TRPM1: variants seen among roughly 807,000 people sequenced by gnomAD.
TRPM1 encodes TRPM1-203 APA Isoform, Intron 10.
TRPM1 carries 113 observed loss-of-function variants against 149.4 expected under a neutral mutation model. That is an observed-to-expected ratio of 0.76 (90% CI 0.65 to 0.88). TRPM1 has a LOEUF of 0.88. Among genes scored for constraint, TRPM1 ranks in the 40% least tolerant of loss-of-function variants. TRPM1 has a pLI of 0.00. For synonymous variants in TRPM1, 741 were observed against 759.5 expected, an observed-to-expected ratio of 0.98 and a Z score of 0.40; for missense variants, 1,976 against 2,038.7, an observed-to-expected ratio of 0.97 and a Z score of 0.59.
chr15:31,101,100 T>C (rs2035504949), intron 1 of TRPM1, among the ~76,000 whole-genome samples: 2 of 152,194 alleles, frequency 1.3e-5, no homozygotes, highest in South Asian at 4.1e-4. Flanking sequence ...TGATAAAGGC[T>C]TACAAGTATA....
At chr15:31,035,741 G>A in intron 20 of TRPM1, 67 bp from the exon 21 acceptor site, 1 of 1,609,804 alleles carries the variant, frequency 6.2e-7, no homozygotes, top group Non-Finnish European at 8.5e-7. Flanking sequence ...TTGAAACGCT[G>A]TTTTCTTTCA....
Position 31,035,615 on chromosome 15 carries a change from G to T in TRPM1, c.2631C>A (p.Gly877=), listed in dbSNP as rs150735353. Reference sequence around the variant, plus strand: ...CGATCCACTCCTGGAGGGACGGCCAGCCATCCATCCGCACCAGGATGACGT... The same window carrying T: ...CGATCCACTCCTGGAGGGACGGCCATCCATCCATCCGCACCAGGATGACGT... ...FNYVILVRMD[G]WPSLQEWIVI... The change falls in exon 21 of 28, where the codon GGC becomes GGA. Residue 877 remains glycine, a synonymous_variant. Coordinates refer to ENST00000256552, the MANE Select transcript of TRPM1 (RefSeq NM_001252024.2). 33 of 1,614,200 alleles carry T rather than the reference G, an allele frequency of 2.0e-5. No individual in the cohort carries two copies. The South Asian group carries it at 2.4e-4, about 12-fold the overall frequency.
chr15:31,049,108 G>A (rs2033862721), intron 13 of TRPM1, among the ~76,000 whole-genome samples: 1 of 152,070 alleles, frequency 6.6e-6, no homozygotes, highest in Non-Finnish European at 1.5e-5. Context: ...CCTCTTTGTA[G>A]CAACAAGTAC....
At chr15:31,046,996 G>A (rs2033783863) in intron 15 of TRPM1, 115 bp downstream of exon 15, 2 of 1,432,256 alleles carry the variant, frequency 1.4e-6, no homozygotes, top group South Asian at 2.3e-5. Context: ...CAGGACAGCT[G>A]TGCTGGGGAC....
chr15:31,140,293 C>T (rs2036144146), intron 1 of TRPM1, among the ~76,000 whole-genome samples: 1 of 151,636 alleles, frequency 6.6e-6, no homozygotes, highest in Admixed American at 6.6e-5. Context: ...GCATGAGAAT[C>T]ACTTGAACCC....
intron 1 of TRPM1, among the ~76,000 whole-genome samples, chr15:31,142,152 T>A (rs139616699): frequency 8.6e-4 from 131 of 152,334 alleles, no homozygotes; most frequent in African/African-American, 3.0e-3. Context: ...GGCACTTAGC[T>A]GTCTTTTTTT....
intron 3 of TRPM1, among the ~76,000 whole-genome samples, chr15:31,072,008 T>TAG (rs1217815144): frequency 1.4e-3 from 49 of 34,756 alleles, no homozygotes; most frequent in East Asian, 0.014. Context: ...TATATATATA[T>TAG]ATATATATAT....
chr15:31,028,695 T>G (rs1050444500), intron 24 of TRPM1, among the ~76,000 whole-genome samples: 1 of 151,474 alleles, frequency 6.6e-6, no homozygotes, highest in African/African-American at 2.4e-5. Flanking sequence ...GAGCTTGCAG[T>G]GAGCCGAGAT....
At chr15:31,117,288 C>A (rs1005685967) in intron 1 of TRPM1, among the ~76,000 whole-genome samples, 8 of 151,966 alleles carry the variant, frequency 5.3e-5, no homozygotes, top group Non-Finnish European at 1.2e-4. Context: ...GAGTTCGAGA[C>A]CAGCCTGGCC....
upstream of TRPM1, among the ~76,000 whole-genome samples, chr15:31,103,002 C>T (rs1284220546): frequency 6.6e-6 from 1 of 152,174 alleles, no homozygotes; most frequent in Non-Finnish European, 1.5e-5. Context: ...ATTCTGAAGG[C>T]ACAGTCAGGG....
At position 31,046,184 on chromosome 15, in the gene TRPM1, T is replaced by G; in HGVS notation, c.1794+20A>C. ...TTTGACCAGGATATTATAAAACTGT[T>G]GAAAACAAGTTCTACTTACTTCCAT... On this transcript the variant is annotated intron_variant, in intron 16 of 27. Coordinates refer to ENST00000256552, the MANE Select transcript of TRPM1 (RefSeq NM_001252024.2). The G allele has an allele frequency of 6.2e-7, 1 of 1,611,722 alleles. No homozygotes were observed. Among genetic ancestry groups the G allele is most frequent in the Non-Finnish European group, 8.5e-7 (1 of 1,178,816 alleles).
chr15:31,090,012 C>T (rs1288087869), intron 1 of TRPM1, among the ~76,000 whole-genome samples: 2 of 152,118 alleles, frequency 1.3e-5, no homozygotes, highest in South Asian at 4.1e-4. Context: ...AAACCCTAAA[C>T]TAGTATGTGC....
chr15:31,149,760 C>T (rs899380993), intron 1 of TRPM1, among the ~76,000 whole-genome samples: 8 of 152,036 alleles, frequency 5.3e-5, no homozygotes, highest in South Asian at 2.1e-4. Flanking sequence ...ACCTTGTGAT[C>T]CGCCCGCCTT....
intron 1 of TRPM1, among the ~76,000 whole-genome samples, chr15:31,121,239 A>AG (rs1271004630): frequency 1.3e-5 from 2 of 151,358 alleles, no homozygotes; most frequent in East Asian, 3.8e-4. Context: ...AAAAAAAAAA[A>AG]AAAAAGAAAG....
Position 31,026,934 on chromosome 15 carries a change from C to A in TRPM1, c.3477G>T (p.Glu1159Asp). ...RCRKKREGDQ[E>D]ERDRGLKLFL... Reference sequence around the variant, plus strand: ...ACATACTCAATCCACGATCCCGTTCCTCTTGGTCCCCTTCTCTCTTTTTCC... The same window carrying A: ...ACATACTCAATCCACGATCCCGTTCATCTTGGTCCCCTTCTCTCTTTTTCC... The change falls in exon 26 of 28, where the codon GAG becomes GAT. Residue 1159 changes from glutamate to aspartate, a missense_variant. Coordinates refer to ENST00000256552, the MANE Select transcript of TRPM1 (RefSeq NM_001252024.2). The A allele has an allele frequency of 6.2e-7, 1 of 1,614,012 alleles. No individual in the cohort carries two copies. Among genetic ancestry groups the A allele is most frequent in the African/African-American group, 1.3e-5 (1 of 74,996 alleles).
rs577685421 is a variant in TRPM1, at chr15:31,100,173, G to A, written c.-84+1484C>T. On this transcript the variant is annotated intron_variant, in intron 1 of 27. Transcript: ENST00000256552. ...CGGCTCACTGCAACCTCCACCTCCT[G>A]GGTTCAACCTCTCCTGCCTCAGCCT... Among the ~76,000 whole-genome samples, 5 of 150,928 alleles carry A rather than the reference G, an allele frequency of 3.3e-5. No homozygotes were observed. The South Asian group carries it at 1.0e-3, about 32-fold the overall frequency.
chr15:31,108,601 C>T (rs1596076997), intron 1 of TRPM1, among the ~76,000 whole-genome samples: 1 of 152,228 alleles, frequency 6.6e-6, no homozygotes, highest in Admixed American at 6.5e-5. Flanking sequence ...TCAAGTGATT[C>T]TCCGGCCTCA....
At position 31,083,622 on chromosome 15, in the gene TRPM1, A is replaced by G. The variant is rs2034921344; in HGVS notation, c.-83-2184T>C. Among the ~76,000 whole-genome samples the G allele has an allele frequency of 2.6e-5, 4 of 152,178 alleles. No individual in the cohort carries two copies. The South Asian group carries it at 8.3e-4, about 32-fold the overall frequency. On this transcript the variant is annotated intron_variant, in intron 1 of 27. Transcript: ENST00000256552. ...AAGCCGCCCAGCCTTATATGCAGAA[A>G]GGATTAAAAGCCACAACCACTCCTT... is the stretch of plus-strand genomic sequence containing the variant.
At chr15:31,112,109 C>A (rs905504839) in intron 1 of TRPM1, among the ~76,000 whole-genome samples, 7 of 152,194 alleles carry the variant, frequency 4.6e-5, no homozygotes, top group African/African-American at 1.7e-4. Context: ...TTGGGTAGGA[C>A]AAGTGCTGGA....
Sources: gnomAD v4.1 joint callset for allele counts (sites outside exome capture counted in the v4.1 genomes callset) on GRCh38, gnomAD v4.1.1 for gene constraint, MANE v1.5 for transcripts, NCBI Gene and HGNC (gene_info 2026-07-23, HGNC 2026-07-21) for gene names.